HDAC4: variants seen among roughly 807,000 people sequenced by gnomAD.
The protein encoded by HDAC4 is histone deacetylase 4, also known as histone deacetylase A.
HDAC4 carries 16 observed loss-of-function variants against 135.1 expected under a neutral mutation model. The observed-to-expected ratio is 0.12, with a 90% CI of 0.08 to 0.18. The LOEUF (loss-of-function observed/expected upper bound fraction) is 0.18. Ranked by LOEUF, HDAC4 falls within the 10% of genes least tolerant of loss-of-function variation. The pLI, the probability that HDAC4 is intolerant of heterozygous loss-of-function variation, is 1.00. For missense variants in HDAC4, 1,143 were observed against 1,511.8 expected, an observed-to-expected ratio of 0.76 and a Z score of 4.05; for synonymous variants, 685 against 653.4, an observed-to-expected ratio of 1.05 and a Z score of -0.74.
At chr2:239,160,992 A>G (rs1241519739) in intron 6 of HDAC4, among the ~76,000 whole-genome samples, 1 of 152,154 alleles carries the variant, frequency 6.6e-6, no homozygotes, top group Non-Finnish European at 1.5e-5. Flanking sequence ...CCCCACAGGT[A>G]TGAAGGGGCT....
intron 24 of HDAC4, 78 bp from the exon 25 acceptor site, chr2:239,054,911 A>G: frequency 1.0e-6 from 1 of 986,212 alleles, no homozygotes; most frequent in Non-Finnish European, 1.6e-6. Context: ...CGAGACTGCA[A>G]CTGTTTCCTG....
intron 2 of HDAC4, among the ~76,000 whole-genome samples, chr2:239,342,642 C>T (rs1307255773): frequency 1.3e-5 from 2 of 152,200 alleles, no homozygotes; most frequent in African/African-American, 2.4e-5. Context: ...CTACAGCTGC[C>T]CGTCAGCATG....
intron 22 of HDAC4, among the ~76,000 whole-genome samples, chr2:239,076,016 T>C: frequency 6.8e-6 from 1 of 146,846 alleles, no homozygotes; most frequent in East Asian, 2.0e-4. Flanking sequence ...AGCAGGCGCG[T>C]GCCAGCGAAC....
At chr2:239,056,237 C>T (rs571328109) in intron 24 of HDAC4, among the ~76,000 whole-genome samples, 52 of 152,332 alleles carry the variant, frequency 3.4e-4, no homozygotes, top group Middle Eastern at 6.8e-3. Flanking sequence ...CCAAACAACA[C>T]GGAAGTGAGT....
chr2:239,193,959 G>A (rs1464368988), intron 3 of HDAC4, among the ~76,000 whole-genome samples: 1 of 152,224 alleles, frequency 6.6e-6, no homozygotes, highest in Non-Finnish European at 1.5e-5. Flanking sequence ...GCAAAATTCA[G>A]TGTACTGAAA....
At position 239,051,414 on chromosome 2, in the gene HDAC4, G is replaced by T. The variant is rs544579786; in HGVS notation, c.*1683C>A. 6.6e-6 allele frequency: 1 copy of T among 152,052 alleles called. No individual in the cohort carries two copies. Among genetic ancestry groups the T allele is most frequent in the South Asian group, 2.1e-4 (1 of 4,804 alleles). 9.4% of individuals were successfully genotyped at this position (152,052 alleles called of 1,614,324 possible). A position where few individuals can be genotyped will look rare whatever the true frequency, so the allele number is the denominator to read the frequency against. ...AAAACAAAAATAATTAAAAACCTTT[G>T]AAAGGTAAAAAAAAATGTACAAGCA... is the stretch of plus-strand genomic sequence containing the variant. On this transcript the variant is annotated 3_prime_UTR_variant, in exon 27 of 27. Coordinates refer to ENST00000543185, the MANE Select transcript of HDAC4 (RefSeq NM_001378414.1).
At position 239,340,764 on chromosome 2, in the gene HDAC4, C is replaced by T. The variant is rs559279880; in HGVS notation, c.22+11914G>A. ...GGCCACACTGAGAGGACATCTGTGC[C>T]CTGCAGTCCTCGGCCCAAGTCCACC... On this transcript the variant is annotated intron_variant, in intron 2 of 26. Coordinates refer to ENST00000543185, the MANE Select transcript of HDAC4 (RefSeq NM_001378414.1). Among the ~76,000 whole-genome samples the T allele has an allele frequency of 2.6e-5, 4 of 152,276 alleles. No individual in the cohort carries two copies. In the East Asian group the frequency reaches 7.7e-4, roughly 29 times the overall value.
At chr2:239,330,717 G>A (rs1268611381) in intron 2 of HDAC4, among the ~76,000 whole-genome samples, 7 of 152,186 alleles carry the variant, frequency 4.6e-5, no homozygotes, top group African/African-American at 1.7e-4. Flanking sequence ...CCTTCTACAG[G>A]GAGAAAAATC....
At chr2:239,130,493 T>C (rs1459092811) in intron 11 of HDAC4, among the ~76,000 whole-genome samples, 1 of 151,876 alleles carries the variant, frequency 6.6e-6, no homozygotes. Flanking sequence ...TTCAGGATGC[T>C]AGAAAGATCT....
At chr2:239,153,904 T>G (rs1037178329) in intron 7 of HDAC4, among the ~76,000 whole-genome samples, 1 of 152,206 alleles carries the variant, frequency 6.6e-6, no homozygotes, top group African/African-American at 2.4e-5. Flanking sequence ...CCTCTGATGG[T>G]GAACAGCAGG....
chr2:239,397,817 G>A (rs1373702347), intron 1 of HDAC4, among the ~76,000 whole-genome samples: 4 of 152,128 alleles, frequency 2.6e-5, no homozygotes, highest in African/African-American at 9.7e-5. Flanking sequence ...CTTTTGACAT[G>A]GCACCCCTCA....
intron 4 of HDAC4, among the ~76,000 whole-genome samples, chr2:239,185,739 G>T (rs1159466469): frequency 4.6e-5 from 7 of 152,212 alleles, no homozygotes; most frequent in African/African-American, 1.7e-4. Flanking sequence ...GATCAGAAAT[G>T]CAAGAGAGAG....
intron 7 of HDAC4, among the ~76,000 whole-genome samples, chr2:239,151,755 T>C (rs538613070): frequency 6.6e-6 from 1 of 152,216 alleles, no homozygotes; most frequent in African/African-American, 2.4e-5. Context: ...TCACCAAACG[T>C]GAGCTCTGGG....
At chr2:239,355,511 G>T (rs747597861) in intron 1 of HDAC4, among the ~76,000 whole-genome samples, 1 of 151,990 alleles carries the variant, frequency 6.6e-6, no homozygotes, top group African/African-American at 2.4e-5. Context: ...CTTCTCACTC[G>T]GCCTAGTCCC....
intron 1 of HDAC4, among the ~76,000 whole-genome samples, chr2:239,384,228 C>T (rs183126473): frequency 1.3e-5 from 2 of 152,268 alleles, no homozygotes; most frequent in East Asian, 3.9e-4. Flanking sequence ...GGGATACCTG[C>T]GTGGGCTGAA....
Position 239,262,995 on chromosome 2 carries a change from C to T in HDAC4, c.23-26331G>A, listed in dbSNP as rs576611710. ...CCGGGAAGCCAAGCCCCAGGAAGGGCCCATTATGCCGATGAAGACACGAGA... is the reference window on the plus strand; with the variant it reads ...CCGGGAAGCCAAGCCCCAGGAAGGGTCCATTATGCCGATGAAGACACGAGA... On this transcript the variant is annotated intron_variant, in intron 2 of 26. Transcript: ENST00000543185. The surrounding 1 kb of genome is among the most constrained non-coding windows in gnomAD (Gnocchi z 4.1). Among the ~76,000 whole-genome samples the T allele has an allele frequency of 1.3e-5, 2 of 152,110 alleles. No individual in the cohort carries two copies. Among genetic ancestry groups the T allele is most frequent in the South Asian group, 2.1e-4 (1 of 4,810 alleles).
chr2:239,305,409 C>T (rs1015472747), intron 2 of HDAC4: 1 of 152,604 alleles, frequency 6.6e-6, no homozygotes, highest in African/African-American at 2.4e-5. Flanking sequence ...GCAAGTGGCT[C>T]GCTGTGGGTC....
At chr2:239,265,141 G>A (rs2049643914) in intron 2 of HDAC4, among the ~76,000 whole-genome samples, 3 of 152,152 alleles carry the variant, frequency 2.0e-5, no homozygotes, top group Non-Finnish European at 2.9e-5. Flanking sequence ...CCCGCCCCAG[G>A]GGAGGACTTG....
intron 1 of HDAC4, among the ~76,000 whole-genome samples, chr2:239,371,754 C>T (rs1414865143): frequency 6.6e-6 from 1 of 152,204 alleles, no homozygotes; most frequent in East Asian, 1.9e-4. Flanking sequence ...CCTCTGTCGG[C>T]GTGGCCCGGG....
Sources: gnomAD v4.1 joint callset for allele counts (sites outside exome capture counted in the v4.1 genomes callset) on GRCh38, gnomAD v4.1.1 for gene constraint, Gnocchi (gnomAD v3.1) non-coding constraint, MANE v1.5 for transcripts, NCBI Gene and HGNC (gene_info 2026-07-23, HGNC 2026-07-21) for gene names.